WDFY3: variants seen among roughly 807,000 people sequenced by gnomAD.
The protein encoded by WDFY3 is WD repeat and FYVE domain-containing protein 3.
Under a neutral mutation model 409.6 loss-of-function variants are expected in WDFY3, and 66 were observed. The ratio of observed to expected loss-of-function variants is 0.16; its 90% CI spans 0.13 to 0.20. The LOEUF (loss-of-function observed/expected upper bound fraction) is 0.20. Ranked by LOEUF, WDFY3 falls within the 10% of genes least tolerant of loss-of-function variation. WDFY3 has a pLI of 1.00. For synonymous variants in WDFY3, 1,521 were observed against 1,537.1 expected, an observed-to-expected ratio of 0.99 and a Z score of 0.25; for missense variants, 3,031 against 4,298.1, an observed-to-expected ratio of 0.71 and a Z score of 8.24.
intron 51 of WDFY3, among the ~76,000 whole-genome samples, chr4:84,709,867 C>G (rs1732591712): frequency 6.6e-6 from 1 of 152,156 alleles, no homozygotes; most frequent in Non-Finnish European, 1.5e-5. Flanking sequence ...GCTGGGATTA[C>G]ATGCACTCGC....
intron 62 of WDFY3, among the ~76,000 whole-genome samples, 176 bp from the exon 63 acceptor site, chr4:84,684,301 G>A (rs538498005): frequency 1.6e-4 from 25 of 152,154 alleles, no homozygotes; most frequent in Non-Finnish European, 2.2e-4. Flanking sequence ...AAAATACTCC[G>A]AACAGAGGCT....
chr4:84,858,623 A>G (rs1760100573), intron 4 of WDFY3, among the ~76,000 whole-genome samples: 1 of 152,158 alleles, frequency 6.6e-6, no homozygotes, highest in African/African-American at 2.4e-5. Context: ...ACAAGTTTTC[A>G]GATTAAGAAG....
chr4:84,712,600 T>C (rs1733111948), intron 51 of WDFY3, among the ~76,000 whole-genome samples: 1 of 151,110 alleles, frequency 6.6e-6, no homozygotes, highest in African/African-American at 2.4e-5. Flanking sequence ...AGGCACCTAT[T>C]ATCCCAGCTA....
At chr4:84,864,681 T>G (rs1213727219) in intron 3 of WDFY3, among the ~76,000 whole-genome samples, 1 of 152,160 alleles carries the variant, frequency 6.6e-6, no homozygotes, top group Non-Finnish European at 1.5e-5. Context: ...TCATTCAAAG[T>G]ACGATAGTGA....
rs559545373 is a variant in WDFY3 at position 84,762,433 on chromosome 4, A to T, written c.5188+3377T>A. Reference sequence around the variant, plus strand: ...AATAATGAGAACACATGGACATAGGAAGGGGAACATCACACTCTGGGGACT... The same window carrying T: ...AATAATGAGAACACATGGACATAGGTAGGGGAACATCACACTCTGGGGACT... On this transcript the variant is annotated intron_variant, in intron 32 of 67. Coordinates refer to ENST00000295888, the MANE Select transcript of WDFY3 (RefSeq NM_014991.6). 7.4e-5 allele frequency among the ~76,000 whole-genome samples: 10 copies of T among 134,382 alleles called. No homozygotes were observed. The South Asian group carries it at 1.9e-3, about 26-fold the overall frequency. The allele number at this position is 134,382 out of a possible 152,430, so 88.2% of individuals were successfully genotyped here.
intron 56 of WDFY3, among the ~76,000 whole-genome samples, chr4:84,699,193 T>C (rs760135293): frequency 6.6e-6 from 1 of 152,146 alleles, no homozygotes; most frequent in Non-Finnish European, 1.5e-5. Flanking sequence ...AGTAATCTTG[T>C]ACCTGTTAAT....
chr4:84,764,654 G>T (rs1338394908), intron 32 of WDFY3, among the ~76,000 whole-genome samples: 1 of 151,830 alleles, frequency 6.6e-6, no homozygotes, highest in African/African-American at 2.4e-5. Context: ...GAGGTCAGGA[G>T]ATCGAGACCA....
intron 2 of WDFY3, among the ~76,000 whole-genome samples, chr4:84,912,917 G>T (rs1193843316): frequency 5.3e-5 from 8 of 152,206 alleles, no homozygotes; most frequent in African/African-American, 1.4e-4. Flanking sequence ...GAGTCTTGAA[G>T]GGAAAAGGTA....
intron 35 of WDFY3, among the ~76,000 whole-genome samples, chr4:84,751,997 GGAAT>G (rs1382542707): frequency 6.6e-6 from 1 of 151,778 alleles, no homozygotes; most frequent in Non-Finnish European, 1.5e-5. Flanking sequence ...TAAAATATAT[GGAAT>G]AATAAAATTA....
intron 5 of WDFY3, among the ~76,000 whole-genome samples, chr4:84,847,556 G>A (rs548866157): frequency 6.8e-6 from 1 of 148,098 alleles, no homozygotes; most frequent in South Asian, 2.1e-4. Context: ...CATGAGGTCA[G>A]GAGATAGAGA....
At chr4:84,791,108 G>A (rs1238219093) in intron 21 of WDFY3, among the ~76,000 whole-genome samples, 3 of 152,244 alleles carry the variant, frequency 2.0e-5, no homozygotes, top group East Asian at 3.9e-4. Flanking sequence ...CCATATCTGG[G>A]CACTTATCTA....
At chr4:84,773,486 A>G (rs528068658) in intron 29 of WDFY3, among the ~76,000 whole-genome samples, 1 of 152,280 alleles carries the variant, frequency 6.6e-6, no homozygotes, top group African/African-American at 2.4e-5. Flanking sequence ...GGGGAACAGG[A>G]GAAGAAAAAA....
At chr4:84,843,067 T>C (rs1757597835) in intron 5 of WDFY3, among the ~76,000 whole-genome samples, 1 of 152,202 alleles carries the variant, frequency 6.6e-6, no homozygotes, top group Non-Finnish European at 1.5e-5. Context: ...GTTAAGTACT[T>C]GTGGGTTTAA....
chr4:84,710,935 T>C (rs1431406087), intron 51 of WDFY3, among the ~76,000 whole-genome samples: 1 of 152,210 alleles, frequency 6.6e-6, no homozygotes, highest in Non-Finnish European at 1.5e-5. Flanking sequence ...AAAAAGCATA[T>C]ATTTAGCATT....
chr4:84,793,746 T>C (rs1050022347), intron 21 of WDFY3, among the ~76,000 whole-genome samples: 19 of 152,206 alleles, frequency 1.2e-4, no homozygotes, highest in Non-Finnish European at 2.2e-4. Flanking sequence ...TATTGATGCC[T>C]AGCTCTGTGC....
chr4:84,805,652 ATATT>A (rs542920925), intron 15 of WDFY3, among the ~76,000 whole-genome samples: 16 of 152,330 alleles, frequency 1.1e-4, no homozygotes, highest in South Asian at 8.3e-4. Context: ...ATTCTCATAT[ATATT>A]TAAGATTCAT....
In WDFY3 at chr4:84,715,545, C is replaced by T. The variant is rs904945313; in HGVS notation, c.7876-162G>A. 5.4e-4 allele frequency among the ~76,000 whole-genome samples: 82 copies of T among 152,132 alleles called. 2 individuals carry two copies. The highest frequency in any genetic ancestry group is 4.5e-3 in the Admixed American group (69 of 15,272). ...ATCCCAGCACTTTGGGAGGCCAAGG[C>T]GGGTGGATCACAAGGTCAGGAGATC... On this transcript the variant is annotated intron_variant, in intron 49 of 67. Coordinates refer to ENST00000295888, the MANE Select transcript of WDFY3 (RefSeq NM_014991.6).
At chr4:84,864,254 G>C (rs1399659307) in intron 3 of WDFY3, among the ~76,000 whole-genome samples, 3 of 151,210 alleles carry the variant, frequency 2.0e-5, no homozygotes, top group Admixed American at 2.0e-4. Flanking sequence ...AGTAGTCCCA[G>C]CTACTCAGGA....
intron 1 of WDFY3, among the ~76,000 whole-genome samples, chr4:84,937,842 T>G (rs1771625038): frequency 6.6e-6 from 1 of 152,122 alleles, no homozygotes; most frequent in Non-Finnish European, 1.5e-5. Context: ...TGCTATTCTC[T>G]CCCTATATGC....
Sources: gnomAD v4.1 joint callset for allele counts (sites outside exome capture counted in the v4.1 genomes callset) on GRCh38, gnomAD v4.1.1 for gene constraint, MANE v1.5 for transcripts, NCBI Gene and HGNC (gene_info 2026-07-23, HGNC 2026-07-21) for gene names.